MYOM1: variants seen among roughly 807,000 people sequenced by gnomAD.
MYOM1 encodes myomesin-1.
A neutral mutation model predicts 205.3 loss-of-function variants in MYOM1; 164 were observed. That is an observed-to-expected ratio of 0.80 (90% CI 0.70 to 0.91). The LOEUF is 0.91. MYOM1 is among the 40% of genes least tolerant of loss of function. The pLI is 0.00. For synonymous variants in MYOM1, 772 were observed against 789.4 expected (o/e 0.98, Z 0.37); for missense variants, 2,011 against 2,127.3 (o/e 0.95, Z 1.08).
At chr18:3,111,170 G>A (rs947616421) in intron 22 of MYOM1, among the ~76,000 whole-genome samples, 9 of 142,386 alleles carry the variant, frequency 6.3e-5, no homozygotes, top group South Asian at 2.3e-4. Context: ...GGCTGCTCTC[G>A]AATTCCTAGG....
At chr18:3,147,435 G>A (rs1262848650) in intron 13 of MYOM1, among the ~76,000 whole-genome samples, 1 of 151,880 alleles carries the variant, frequency 6.6e-6, no homozygotes, top group African/African-American at 2.4e-5. Context: ...AATGCTGTTC[G>A]GCTGAAATCC....
chr18:3,221,248 G>A (rs1751987508), upstream of MYOM1, among the ~76,000 whole-genome samples: 1 of 152,088 alleles, frequency 6.6e-6, no homozygotes. Flanking sequence ...TCAAACTCCT[G>A]GACTCGAGTA....
At position 3,113,208 on chromosome 18, in the gene MYOM1, G is replaced by GTA. The variant is rs1171034400; in HGVS notation, c.3304-798_3304-797dup. ...CACACACATACATATATACACACAT[G>GTA]TATATATATATACACACATGTATAT... On this transcript the variant is annotated intron_variant, in intron 21 of 37. Coordinates refer to ENST00000356443, the MANE Select transcript of MYOM1 (RefSeq NM_003803.4). Among the ~76,000 whole-genome samples, 9 of 3,866 alleles carry GTA rather than the reference G, an allele frequency of 2.3e-3. 1 individual carries two copies. Among genetic ancestry groups the GTA allele is most frequent in the South Asian group, 0.028 (1 of 36 alleles). 2.5% of individuals were successfully genotyped at this position (3,866 alleles called of 152,430 possible).
chr18:3,235,806 GTGA>G, the MYOM1 span, among the ~76,000 whole-genome samples: 1 of 152,190 alleles, frequency 6.6e-6, no homozygotes. Context: ...TGGAAGCTGG[GTGA>G]TGGAGACTTA....
chr18:3,094,150 C>T lies in MYOM1; in HGVS notation c.3864+20G>A. On this transcript the variant is annotated intron_variant, in intron 26 of 37. Transcript: ENST00000356443. ...ATTCTACAATGATACATTAAAAAGT[C>T]TAAACAGTGTAAAACCTACCGGGCC... 6.2e-7 allele frequency: 1 copy of T among 1,612,680 alleles called. No individual in the cohort carries two copies. The highest frequency in any genetic ancestry group is 8.5e-7 in the Non-Finnish European group (1 of 1,179,024).
At chr18:3,126,982 G>A (rs375081829) in intron 18 of MYOM1, 85 bp from the exon 19 acceptor site, 43 of 1,250,676 alleles carry the variant, frequency 3.4e-5, no homozygotes, top group African/African-American at 3.3e-4. Flanking sequence ...CCACATATGA[G>A]GGCACTAGAT....
intron 3 of MYOM1, chr18:3,190,590 A>G (rs763723554): frequency 5.3e-5 from 8 of 152,198 alleles, no homozygotes; most frequent in Non-Finnish European, 1.2e-4. Flanking sequence ...TGTTAGTAAT[A>G]TGTCCATTAT....
At chr18:3,184,704 T>G (rs1290316133) in intron 5 of MYOM1, among the ~76,000 whole-genome samples, 3 of 152,266 alleles carry the variant, frequency 2.0e-5, no homozygotes, top group Non-Finnish European at 4.4e-5. Context: ...GCAAGGAGAC[T>G]GTGAAATGCT....
chr18:3,095,379 G>A (rs1230398286), intron 25 of MYOM1, among the ~76,000 whole-genome samples: 1 of 152,112 alleles, frequency 6.6e-6, no homozygotes, highest in Non-Finnish European at 1.5e-5. Context: ...GACCAGCCTG[G>A]CCAACATGGT....
rs2080881085 is a variant in MYOM1 at position 3,189,863 on chromosome 18, G to A, written c.432-776C>T. ...GCCTGTGACCCTGATACATGAGTAGGAGCTTGATCTGGGTTCTGTCACTTT... is the reference window on the plus strand; with the variant it reads ...GCCTGTGACCCTGATACATGAGTAGAAGCTTGATCTGGGTTCTGTCACTTT... On this transcript the variant is annotated intron_variant, in intron 3 of 37. Coordinates refer to ENST00000356443, the MANE Select transcript of MYOM1 (RefSeq NM_003803.4). The surrounding 1 kb of genome is among the most constrained non-coding windows in gnomAD (Gnocchi z 4.8). Among the ~76,000 whole-genome samples, 1 of 152,156 alleles carries A rather than the reference G, an allele frequency of 6.6e-6. No individual in the cohort carries two copies. Among genetic ancestry groups the A allele is most frequent in the Non-Finnish European group, 1.5e-5 (1 of 68,032 alleles).
chr18:3,161,274 C>T (rs537725741), intron 10 of MYOM1, among the ~76,000 whole-genome samples: 4 of 152,266 alleles, frequency 2.6e-5, no homozygotes, highest in African/African-American at 7.2e-5. Flanking sequence ...TACCAGTTGC[C>T]GGTCTGGGAC....
At chr18:3,086,014 C>A (rs908610636) in intron 30 of MYOM1, 24 bp downstream of exon 30, 3 of 1,440,674 alleles carry the variant, frequency 2.1e-6, no homozygotes, top group Non-Finnish European at 1.9e-6. Flanking sequence ...TAATATATTA[C>A]ATTTTACATT....
At chr18:3,180,979 A>G (rs1567953597) in intron 5 of MYOM1, among the ~76,000 whole-genome samples, 2 of 150,820 alleles carry the variant, frequency 1.3e-5, no homozygotes, top group African/African-American at 4.9e-5. Flanking sequence ...CAGGCTGAAG[A>G]GCAGTGGCAC....
At chr18:3,226,272 G>A in the MYOM1 span, among the ~76,000 whole-genome samples, 16 of 152,272 alleles carry the variant, frequency 1.1e-4, no homozygotes, top group African/African-American at 3.6e-4. The surrounding 1 kb of genome is among the most constrained non-coding windows in gnomAD (Gnocchi z 4.6). Context: ...GTGAGCTGAC[G>A]CTATGACAAA....
intron 20 of MYOM1, among the ~76,000 whole-genome samples, chr18:3,116,856 T>C (rs568487948): frequency 3.9e-5 from 6 of 152,074 alleles, no homozygotes; most frequent in Non-Finnish European, 5.9e-5. Flanking sequence ...AGATTCATAT[T>C]TTTTGATTTT....
chr18:3,174,177 C>A lies in MYOM1; in HGVS notation c.1054G>T (p.Ala352Ser). The A allele has an allele frequency of 1.9e-6, 3 of 1,614,024 alleles. No individual in the cohort carries two copies. The highest frequency in any genetic ancestry group is 2.5e-6 in the Non-Finnish European group (3 of 1,179,888). Residue 352 changes from alanine (A) to serine (S), a missense_variant, in exon 7 of 38, where the codon GCC becomes TCC. Transcript: ENST00000356443. ...CDFEDTAQYRASAMNVKGELS... is the reference protein window; with the variant it reads ...CDFEDTAQYRSSAMNVKGELS... The stretch of plus-strand genomic sequence containing the variant: ...TCTCCTTTAACATTCATCGCCGAGG[C>A]CCGGTACTGAGCTGTATCTTCAAAA...
At chr18:3,195,705 CTA>C (rs2080984032) in intron 2 of MYOM1, among the ~76,000 whole-genome samples, 1 of 152,160 alleles carries the variant, frequency 6.6e-6, no homozygotes, top group Admixed American at 6.5e-5. Flanking sequence ...ATCAAAATAG[CTA>C]TGATTTGTTA....
intron 27 of MYOM1, among the ~76,000 whole-genome samples, chr18:3,090,217 ATT>A (rs71159040): frequency 9.2e-4 from 114 of 124,572 alleles, no homozygotes; most frequent in African/African-American, 1.8e-3. Context: ...TGAAAACTGT[ATT>A]TTTTTTTTTT....
At chr18:3,226,171 T>C in the MYOM1 span, among the ~76,000 whole-genome samples, 1,441 of 152,322 alleles carry the variant, frequency 9.5e-3, 13 homozygotes, top group Middle Eastern at 0.037. This position sits in a 1 kb window ranked among gnomAD's most constrained non-coding sequence, Gnocchi z 4.6. Context: ...CTAAGGAACA[T>C]TGTGTTCCAT....
Sources: gnomAD v4.1 joint callset for allele counts (sites outside exome capture counted in the v4.1 genomes callset) on GRCh38, gnomAD v4.1.1 for gene constraint, Gnocchi (gnomAD v3.1) non-coding constraint, MANE v1.5 for transcripts, NCBI Gene and HGNC (gene_info 2026-07-23, HGNC 2026-07-21) for gene names.